Variants in ALDH5A1 observed in about 807,000 individuals in gnomAD.
ALDH5A1 encodes the protein succinate-semialdehyde dehydrogenase, mitochondrial.
A neutral mutation model predicts 54.7 loss-of-function variants in ALDH5A1; 33 were observed. That is an observed-to-expected ratio of 0.60 (90% CI 0.46 to 0.81). ALDH5A1 has a LOEUF of 0.81. Ranked by LOEUF, ALDH5A1 falls within the 30% of genes least tolerant of loss-of-function variation. The pLI, the probability that ALDH5A1 is intolerant of heterozygous loss-of-function variation, is 0.00. For synonymous variants in ALDH5A1, 294 were observed against 292.7 expected, an observed-to-expected ratio of 1.00 and a Z score of -0.05; for missense variants, 657 against 711.0, an observed-to-expected ratio of 0.92 and a Z score of 0.86.
At chr6:24,526,886 A>ATATC (rs1212917007) in intron 7 of ALDH5A1, among the ~76,000 whole-genome samples, 2 of 82,882 alleles carry the variant, frequency 2.4e-5, no homozygotes, top group African/African-American at 7.8e-5. Context: ...CTATATATAT[A>ATATC]TTCTATATAT....
chr6:24,506,546 C>T (rs553870027), intron 4 of ALDH5A1, among the ~76,000 whole-genome samples: 4 of 152,138 alleles, frequency 2.6e-5, no homozygotes, highest in Admixed American at 2.6e-4. Context: ...CCACCACGCT[C>T]GGCCTCTTTC....
intron 1 of ALDH5A1, among the ~76,000 whole-genome samples, chr6:24,496,249 C>T (rs1049086329): frequency 4.6e-5 from 7 of 152,188 alleles, no homozygotes; most frequent in Non-Finnish European, 1.0e-4. Context: ...AAGAAGGATT[C>T]TGCCCTTATG....
In ALDH5A1 at chr6:24,528,092, C is replaced by T. The variant is rs1581824153; in HGVS notation, c.1269C>T (p.Thr423=). The stretch of plus-strand genomic sequence containing the variant: ...TTGGAAAAAATTTCTTTGAGCCTAC[C>T]CTGCTGTGCAATGTCACCCAGGACA... The part of the protein sequence containing the change: ...HQLGKNFFEP[T]LLCNVTQDML... The change falls in exon 8 of 10, where the codon ACC becomes ACT. Residue 423 remains threonine (T), a synonymous_variant. Transcript: ENST00000357578. 1.9e-6 allele frequency: 3 copies of T among 1,614,038 alleles called. No homozygotes were observed. The African/African-American group carries it at 4.0e-5, about 22-fold the overall frequency.
chr6:24,530,206 TC>T (rs1048150704), intron 8 of ALDH5A1, among the ~76,000 whole-genome samples: 1 of 152,088 alleles, frequency 6.6e-6, no homozygotes, highest in African/African-American at 2.4e-5. Context: ...AATGCATTCT[TC>T]AGATATACTC....
chr6:24,520,276 A>G lies in ALDH5A1; in HGVS notation c.871-125A>G, dbSNP rs1759654303. On this transcript the variant is annotated intron_variant, in intron 5 of 9. Coordinates refer to ENST00000357578, the MANE Select transcript of ALDH5A1 (RefSeq NM_001080.3). ...TCTTATTTCTCCGTTTTCTTATGCA[A>G]AGTTATCCCATGTACACCACTGTGC... is the stretch of plus-strand genomic sequence containing the variant. 5.6e-6 allele frequency: 6 copies of G among 1,067,190 alleles called. No homozygotes were observed. The Admixed American group carries it at 8.5e-5, about 15-fold the overall frequency. 66.1% of individuals were successfully genotyped at this position (1,067,190 alleles called of 1,614,324 possible). A position where few individuals can be genotyped will look rare whatever the true frequency, so the allele number is the denominator to read the frequency against.
chr6:24,511,218 G>C (rs1759451686), intron 4 of ALDH5A1, among the ~76,000 whole-genome samples: 1 of 152,086 alleles, frequency 6.6e-6, no homozygotes, highest in Non-Finnish European at 1.5e-5. Context: ...TCCTTTATAG[G>C]TTACCTGGTG....
At chr6:24,501,918 T>TAC (rs201383080) in intron 1 of ALDH5A1, among the ~76,000 whole-genome samples, 27,567 of 143,734 alleles carry the variant, frequency 0.19, 3,050 homozygotes, top group Non-Finnish European at 0.25. Flanking sequence ...TGTGTGGGTG[T>TAC]ATATATATAT....
chr6:24,506,008 C>T (rs1261093205), intron 4 of ALDH5A1, among the ~76,000 whole-genome samples: 1 of 151,616 alleles, frequency 6.6e-6, no homozygotes, highest in African/African-American at 2.4e-5. Flanking sequence ...TCCTCCTGAT[C>T]CCCTCCTCTG....
At position 24,502,626 on chromosome 6, in the gene ALDH5A1, T is replaced by A. The variant is rs1470087032; in HGVS notation, c.438+20T>A. ...GAAAGTGTAAGTTCAGGGTTCTGGC[T>A]TGGTGCACTGAGAAATTCTCCAGGA... is the stretch of plus-strand genomic sequence containing the variant. On this transcript the variant is annotated intron_variant, in intron 2 of 9. Transcript: ENST00000357578. The A allele has an allele frequency of 6.3e-7, 1 of 1,593,968 alleles. No individual in the cohort carries two copies. The highest frequency in any genetic ancestry group is 1.1e-5 in the South Asian group (1 of 90,376).
chr6:24,508,425 CA>C (rs1759403009), intron 4 of ALDH5A1, among the ~76,000 whole-genome samples: 1 of 147,320 alleles, frequency 6.8e-6, no homozygotes. Context: ...TCATCCAGCC[CA>C]CTGCAAATGC....
chr6:24,502,460 A>G, intron 1 of ALDH5A1, 63 bp from the exon 2 acceptor site: 1 of 1,235,240 alleles, frequency 8.1e-7, no homozygotes, highest in South Asian at 1.2e-5. Context: ...ATTGAATTTT[A>G]TTTAGCATTC....
intron 7 of ALDH5A1, among the ~76,000 whole-genome samples, chr6:24,523,985 GTTTT>G (rs36023125): frequency 9.7e-5 from 11 of 113,386 alleles, no homozygotes; most frequent in South Asian, 2.7e-4. Flanking sequence ...AGTTTTTTGT[GTTTT>G]TTTTTTTTTT....
chr6:24,512,813 C>G (rs1339802956), intron 4 of ALDH5A1, among the ~76,000 whole-genome samples: 2 of 152,210 alleles, frequency 1.3e-5, no homozygotes, highest in African/African-American at 4.8e-5. Flanking sequence ...CCTCAGCCCT[C>G]CAAGTAGCTG....
intron 6 of ALDH5A1, among the ~76,000 whole-genome samples, chr6:24,522,478 C>CGTGTGTGT (rs5874989): frequency 0.046 from 6,250 of 134,552 alleles, 380 homozygotes; most frequent in African/African-American, 0.14. Context: ...TCTTTTCTTT[C>CGTGTGTGT]GTGTGTGTGT....
At chr6:24,522,540 G>C in intron 6 of ALDH5A1, 1 of 406,996 alleles carries the variant, frequency 2.5e-6, no homozygotes, top group Non-Finnish European at 4.7e-6. Context: ...CTGATGCATA[G>C]CAGCTGTGTA....
Position 24,534,350 on chromosome 6 carries a change from A to G in ALDH5A1, c.*638A>G, listed in dbSNP as rs1403739328. 1 of 152,720 alleles carries G rather than the reference A, an allele frequency of 6.5e-6. No individual in the cohort carries two copies. The highest frequency in any genetic ancestry group is 1.5e-5 in the Non-Finnish European group (1 of 68,424). The allele number at this position is 152,720 out of a possible 1,614,324, so 9.5% of individuals were successfully genotyped here. A position where few individuals can be genotyped will look rare whatever the true frequency, so the allele number is the denominator to read the frequency against. ...TTTAATTGATGCCTTTATTGTCCCA[A>G]ATTTACCACTTAAAGAATTCTATTT... On this transcript the variant is annotated 3_prime_UTR_variant, in exon 10 of 10. Coordinates refer to ENST00000357578, the MANE Select transcript of ALDH5A1 (RefSeq NM_001080.3).
At chr6:24,497,175 G>T (rs533410375) in intron 1 of ALDH5A1, among the ~76,000 whole-genome samples, 2 of 151,106 alleles carry the variant, frequency 1.3e-5, no homozygotes, top group Non-Finnish European at 2.9e-5. Context: ...GACCCGAGTG[G>T]GTTGTCGCTG....
intron 7 of ALDH5A1, among the ~76,000 whole-genome samples, chr6:24,523,472 GGTT>G (rs1403722415): frequency 1.3e-5 from 2 of 152,190 alleles, no homozygotes; most frequent in Admixed American, 1.3e-4. Context: ...ATATGAATCG[GGTT>G]GTTGTCTGGT....
chr6:24,499,689 C>T (rs1177981049), intron 1 of ALDH5A1, among the ~76,000 whole-genome samples: 18 of 136,464 alleles, frequency 1.3e-4, no homozygotes, highest in Non-Finnish European at 2.6e-4. Flanking sequence ...TTTTTTGAGA[C>T]GGAGTCTCGC....
Sources: gnomAD v4.1 joint callset for allele counts (sites outside exome capture counted in the v4.1 genomes callset) on GRCh38, gnomAD v4.1.1 for gene constraint, MANE v1.5 for transcripts, NCBI Gene and HGNC (gene_info 2026-07-23, HGNC 2026-07-21) for gene names.